NHS: variants seen among roughly 807,000 people sequenced by gnomAD.
NHS encodes actin remodeling regulator NHS.
In NHS, 5 loss-of-function variants were observed where a neutral mutation model predicts 72.5. That is an observed-to-expected ratio of 0.07 (90% CI 0.04 to 0.14). The LOEUF (loss-of-function observed/expected upper bound fraction) is 0.14, where lower values mean the gene tolerates loss of function less well. Among genes scored for constraint, NHS ranks in the 10% least tolerant of loss-of-function variants. The pLI is 1.00. For missense variants in NHS, 1,072 were observed against 1,355.7 expected (o/e 0.79, Z 3.29); for synonymous variants, 464 against 547.7 (o/e 0.85, Z 2.13).
intron 1 of NHS, among the ~76,000 whole-genome samples, chrX:17,570,460 G>A (rs1197230554): frequency 2.7e-5 from 3 of 111,365 alleles, no homozygotes; most frequent in African/African-American, 9.8e-5. Context: ...TCATGATTTG[G>A]CTCTCTGTTT....
At chrX:17,534,715 GTTGT>G (rs1317898423) in intron 1 of NHS, among the ~76,000 whole-genome samples, 3 of 111,958 alleles carry the variant, frequency 2.7e-5, no homozygotes, top group Non-Finnish European at 5.6e-5. Context: ...ACAGGCCCTG[GTTGT>G]TTGATTCAGG....
intron 1 of NHS, among the ~76,000 whole-genome samples, chrX:17,472,061 T>C (rs2064894592): frequency 9.0e-6 from 1 of 111,592 alleles, no homozygotes; most frequent in African/African-American, 3.3e-5. Context: ...CGTAAATTTG[T>C]TCGGGGATTC....
intron 1 of NHS, among the ~76,000 whole-genome samples, chrX:17,661,037 G>A (rs955879370): frequency 3.6e-5 from 4 of 111,495 alleles, no homozygotes; most frequent in South Asian, 3.8e-4. Context: ...TGAAACTAAC[G>A]AATCATTTAT....
At position 17,540,123 on chromosome X, in the gene NHS, G is replaced by C. The variant is rs2065255639; in HGVS notation, c.566-147619G>C. Among the ~76,000 whole-genome samples the C allele has an allele frequency of 3.6e-5, 4 of 111,994 alleles. No individual in the cohort carries two copies. The South Asian group carries it at 1.5e-3, about 42-fold the overall frequency. On this transcript the variant is annotated intron_variant, in intron 1 of 8. Coordinates refer to ENST00000676302, the MANE Select transcript of NHS (RefSeq NM_001291867.2). ...TGCTATGGGAAAGTCATTTCACTCT[G>C]AGCCCATACTTTCTCATTCGTTAAT...
intron 1 of NHS, among the ~76,000 whole-genome samples, chrX:17,591,581 A>G (rs1431212712): frequency 8.9e-6 from 1 of 111,767 alleles, no homozygotes; most frequent in African/African-American, 3.3e-5. Flanking sequence ...TGCCCAGGTC[A>G]AACTCACTTG....
chrX:17,565,555 G>A (rs1184053770), intron 1 of NHS, among the ~76,000 whole-genome samples: 1 of 112,101 alleles, frequency 8.9e-6, no homozygotes, highest in Non-Finnish European at 1.9e-5. Context: ...GCTCCCCTGG[G>A]CTGCTGGATG....
Position 17,623,078 on chromosome X carries a change from C to T in NHS, c.566-64664C>T, listed in dbSNP as rs767466227. Among the ~76,000 whole-genome samples, 3 of 111,279 alleles carry T rather than the reference C, an allele frequency of 2.7e-5. No homozygotes were observed. The South Asian group carries it at 1.2e-3, about 43-fold the overall frequency. ...AAACAGCTAGGACTATAGTCATCCA[C>T]CACCATGCCCTGCTAATTTTTTCTT... On this transcript the variant is annotated intron_variant, in intron 1 of 8. Coordinates refer to ENST00000676302, the MANE Select transcript of NHS (RefSeq NM_001291867.2).
chrX:17,510,048 T>C (rs1203822608), intron 1 of NHS, among the ~76,000 whole-genome samples: 2 of 112,746 alleles, frequency 1.8e-5, no homozygotes, highest in East Asian at 5.6e-4. Context: ...CTGAAATGTG[T>C]ACCCTGGTCT....
intron 1 of NHS, among the ~76,000 whole-genome samples, chrX:17,614,277 G>A (rs932571296): frequency 8.9e-6 from 1 of 112,381 alleles, no homozygotes; most frequent in Non-Finnish European, 1.9e-5. Flanking sequence ...ACAAGAGGCC[G>A]CAAGGCTCAA....
At chrX:17,376,362 C>G in intron 1 of NHS, 40 bp downstream of exon 1, 1 of 1,099,588 alleles carries the variant, frequency 9.1e-7, no homozygotes, top group Non-Finnish European at 1.2e-6. Flanking sequence ...CTATGGGTTT[C>G]TGCGCCGCAC....
rs1376330776 is a variant in NHS at position 17,735,659 on chromosome X, A to G, written c.*3195A>G. 1.8e-5 allele frequency: 2 copies of G among 112,840 alleles called. No individual in the cohort carries two copies. The highest frequency in any genetic ancestry group is 6.5e-5 in the African/African-American group (2 of 30,919). The allele number at this position is 112,840 out of a possible 1,213,427, so 9.3% of individuals were successfully genotyped here. Reference sequence around the variant, plus strand: ...AAGATTTAAAACTATGAAGAAGGTTACAGTGTAACTATTTTGGTACTAGAA... The same window carrying G: ...AAGATTTAAAACTATGAAGAAGGTTGCAGTGTAACTATTTTGGTACTAGAA... On this transcript the variant is annotated 3_prime_UTR_variant, in exon 9 of 9. Transcript: ENST00000676302.
chrX:17,726,901 T>G lies in NHS; in HGVS notation c.2795T>G (p.Ile932Ser). 1.7e-6 allele frequency: 2 copies of G among 1,211,884 alleles called. No individual in the cohort carries two copies. The highest frequency in any genetic ancestry group is 2.2e-6 in the Non-Finnish European group (2 of 895,526). ...IKEPQLDASD[I>S]PPFKDEVAES... ...GAACCTCAGTTAGATGCTTCGGATA[T>G]TCCACCATTCAAAGATGAAGTTGCC... The change falls in exon 7 of 9, where the codon ATT becomes AGT. Residue 932 changes from isoleucine to serine, a missense_variant. Coordinates refer to ENST00000676302, the MANE Select transcript of NHS (RefSeq NM_001291867.2).
Position 17,665,824 on chromosome X carries a change from A to T in NHS, c.566-21918A>T, listed in dbSNP as rs1012882938. Reference sequence around the variant, plus strand: ...CCTTGTGGTTTTTATTAAGAATTCCATTTCTTTAGAATTTACAGGACTACT... The same window carrying T: ...CCTTGTGGTTTTTATTAAGAATTCCTTTTCTTTAGAATTTACAGGACTACT... On this transcript the variant is annotated intron_variant, in intron 1 of 8. Transcript: ENST00000676302. Among the ~76,000 whole-genome samples the T allele has an allele frequency of 2.7e-5, 3 of 112,383 alleles. No homozygotes were observed. The Admixed American group carries it at 2.8e-4, about 11-fold the overall frequency.
chrX:17,698,410 A>C (rs2066244240), intron 3 of NHS, among the ~76,000 whole-genome samples: 1 of 112,176 alleles, frequency 8.9e-6, no homozygotes, highest in Admixed American at 9.4e-5. Flanking sequence ...TAGAATTGGT[A>C]AGCTTAAACA....
intron 1 of NHS, among the ~76,000 whole-genome samples, chrX:17,684,139 G>T (rs900760139): frequency 4.5e-5 from 5 of 111,554 alleles, no homozygotes; most frequent in African/African-American, 1.6e-4. Context: ...TTTGCCTTCT[G>T]CCATGATTGT....
chrX:17,458,402 T>C (rs1332566148), intron 1 of NHS, among the ~76,000 whole-genome samples: 1 of 111,162 alleles, frequency 9.0e-6, no homozygotes, highest in Non-Finnish European at 1.9e-5. Flanking sequence ...CTAATTTTTT[T>C]ATTTTTAGTA....
chrX:17,668,312 A>C (rs2066025409), intron 1 of NHS, among the ~76,000 whole-genome samples: 1 of 110,880 alleles, frequency 9.0e-6, no homozygotes, highest in Admixed American at 9.5e-5. Context: ...AATTAAGAAT[A>C]CAAAAAAAAA....
intron 1 of NHS, among the ~76,000 whole-genome samples, chrX:17,640,977 A>T (rs2065877886): frequency 8.9e-6 from 1 of 112,436 alleles, no homozygotes; most frequent in Non-Finnish European, 1.9e-5. Flanking sequence ...AGCAAGCAAA[A>T]TAACCACTTG....
chrX:17,431,442 A>G (rs1407559964), intron 1 of NHS, among the ~76,000 whole-genome samples: 2 of 111,377 alleles, frequency 1.8e-5, no homozygotes, highest in Non-Finnish European at 3.8e-5. Flanking sequence ...CAATGGCCCA[A>G]GTTGTAGGCT....
Sources: allele counts gnomAD v4.1 joint callset (sites outside exome capture counted in the v4.1 genomes callset), GRCh38; gene constraint gnomAD v4.1.1; transcripts MANE v1.5; gene names NCBI Gene and HGNC (gene_info 2026-07-23, HGNC 2026-07-21).